Variants in TBC1D32 observed in about 807,000 individuals in gnomAD.
The protein encoded by TBC1D32 is protein broad-minded.
Under a neutral mutation model 170.3 loss-of-function variants are expected in TBC1D32, and 151 were observed. That is an observed-to-expected ratio of 0.89 (90% confidence interval 0.78 to 1.01). TBC1D32 has a LOEUF of 1.01. TBC1D32 is among the 50% of genes least tolerant of loss of function. The pLI is 0.00. For missense variants in TBC1D32, 1,464 were observed against 1,457.1 expected (o/e 1.00, Z -0.08); for synonymous variants, 498 against 488.0 (o/e 1.02, Z -0.27).
intron 17 of TBC1D32, 26 bp from the exon 18 acceptor site, chr6:121,242,365 GCTTT>G (rs747179772): frequency 6.9e-6 from 11 of 1,604,402 alleles, no homozygotes; most frequent in African/African-American, 1.3e-5. Context: ...GAAAGGTAGA[GCTTT>G]CTTTAAGATA....
chr6:121,209,766 T>C (rs6569179), intron 21 of TBC1D32, among the ~76,000 whole-genome samples: 134,460 of 152,202 alleles, frequency 0.88, 59,849 homozygotes, highest in East Asian at 0.98. Flanking sequence ...TTCAACAAAG[T>C]CAACATGAAA....
At chr6:121,280,593 A>C (rs775015918) in intron 14 of TBC1D32, among the ~76,000 whole-genome samples, 1 of 151,980 alleles carries the variant, frequency 6.6e-6, no homozygotes, top group South Asian at 2.1e-4. Context: ...CTCTAGTCTA[A>C]AGGGGAATTT....
intron 30 of TBC1D32, among the ~76,000 whole-genome samples, chr6:121,092,769 G>A (rs1224815559): frequency 2.6e-5 from 4 of 151,954 alleles, no homozygotes; most frequent in East Asian, 1.9e-4. Flanking sequence ...ATTGGATTAC[G>A]GTCCAACTTA....
At chr6:121,098,104 G>C (rs1021942164) in intron 30 of TBC1D32, among the ~76,000 whole-genome samples, 1 of 151,690 alleles carries the variant, frequency 6.6e-6, no homozygotes, top group African/African-American at 2.4e-5. Flanking sequence ...TAGATGATGG[G>C]TTGATGGGTG....
At chr6:121,152,543 C>T (rs375137550) in intron 24 of TBC1D32, among the ~76,000 whole-genome samples, 1 of 152,100 alleles carries the variant, frequency 6.6e-6, no homozygotes, top group African/African-American at 2.4e-5. Context: ...GAATGTTGGC[C>T]TGTCTTGCTA....
intron 24 of TBC1D32, among the ~76,000 whole-genome samples, chr6:121,133,682 C>A (rs1368842858): frequency 6.6e-6 from 1 of 152,046 alleles, no homozygotes; most frequent in East Asian, 1.9e-4. Context: ...CTCTCTCATA[C>A]AAACACATGA....
intron 10 of TBC1D32, among the ~76,000 whole-genome samples, chr6:121,297,218 T>A (rs777817324): frequency 1.3e-5 from 2 of 152,070 alleles, no homozygotes; most frequent in Admixed American, 6.6e-5. Flanking sequence ...GTATAATGAA[T>A]GATTTTTCTA....
chr6:121,170,263 T>A (rs1331907742), intron 22 of TBC1D32: 1 of 853,458 alleles, frequency 1.2e-6, no homozygotes, highest in East Asian at 2.8e-5. Context: ...ATTTACACTT[T>A]AGCTGCTTTG....
At chr6:121,085,256 TAC>T (rs1303824995) in intron 31 of TBC1D32, among the ~76,000 whole-genome samples, 3 of 143,474 alleles carry the variant, frequency 2.1e-5, no homozygotes, top group South Asian at 4.4e-4. Flanking sequence ...CGTATATATA[TAC>T]ACATATATAC....
intron 22 of TBC1D32, among the ~76,000 whole-genome samples, chr6:121,172,048 A>G (rs1367050855): frequency 6.6e-6 from 1 of 152,052 alleles, no homozygotes; most frequent in East Asian, 1.9e-4. Flanking sequence ...AAATAGGACA[A>G]ATGGTGCTGG....
In TBC1D32 at chr6:121,100,547, A is replaced by C. The variant is rs1018925639; in HGVS notation, c.3465+5476T>G. ...TGTTCTTTGAAACCAATGAGAACAAAGACACAACATACCAGAATCTCTGGG... is the reference window on the plus strand; with the variant it reads ...TGTTCTTTGAAACCAATGAGAACAACGACACAACATACCAGAATCTCTGGG... On this transcript the variant is annotated intron_variant, in intron 30 of 31. Coordinates refer to ENST00000398212, the MANE Select transcript of TBC1D32 (RefSeq NM_152730.6). Among the ~76,000 whole-genome samples the C allele has an allele frequency of 3.9e-5, 6 of 152,090 alleles. No homozygotes were observed. In the South Asian group the frequency reaches 1.2e-3, roughly 31 times the overall value.
intron 22 of TBC1D32, among the ~76,000 whole-genome samples, chr6:121,169,213 G>C (rs1212503160): frequency 6.6e-6 from 1 of 151,988 alleles, no homozygotes; most frequent in East Asian, 1.9e-4. Flanking sequence ...ACTGGTACAA[G>C]AACAGACACA....
intron 22 of TBC1D32, among the ~76,000 whole-genome samples, chr6:121,187,093 GA>G (rs910959853): frequency 1.1e-4 from 16 of 151,634 alleles, no homozygotes; most frequent in Non-Finnish European, 1.6e-4. Context: ...ACTAATTCTA[GA>G]AAAAAAATTG....
At chr6:121,206,202 T>G (rs1037290697) in intron 21 of TBC1D32, among the ~76,000 whole-genome samples, 1 of 147,932 alleles carries the variant, frequency 6.8e-6, no homozygotes, top group Non-Finnish European at 1.5e-5. Context: ...AAAGCAAGAC[T>G]CTGTCTCAGA....
In TBC1D32 at chr6:121,232,441, T is replaced by C. The variant is rs539721436; in HGVS notation, c.2364+6629A>G. ...GCTCCATATACATTTTAGGATTGTT[T>C]GTTCTAGTTGTGTGAAGTATTATGG... On this transcript the variant is annotated intron_variant, in intron 20 of 31. Transcript: ENST00000398212. Among the ~76,000 whole-genome samples the C allele has an allele frequency of 3.3e-5, 5 of 152,286 alleles. No homozygotes were observed. The South Asian group carries it at 1.0e-3, about 32-fold the overall frequency.
intron 22 of TBC1D32, among the ~76,000 whole-genome samples, chr6:121,169,308 A>G (rs897615063): frequency 6.6e-6 from 1 of 152,200 alleles, no homozygotes; most frequent in Non-Finnish European, 1.5e-5. Flanking sequence ...GACAAAAATA[A>G]GCAATGAGGA....
At chr6:121,105,570 T>C (rs1007955417) in intron 30 of TBC1D32, among the ~76,000 whole-genome samples, 2 of 151,980 alleles carry the variant, frequency 1.3e-5, no homozygotes, top group Non-Finnish European at 2.9e-5. Flanking sequence ...GGTTGTGCAC[T>C]GTGTAACTTG....
At chr6:121,298,751 C>A (rs1042265884) in intron 10 of TBC1D32, among the ~76,000 whole-genome samples, 5 of 152,022 alleles carry the variant, frequency 3.3e-5, no homozygotes, top group Admixed American at 3.3e-4. Context: ...CTGCACTCAA[C>A]CAAAAATCAC....
At chr6:121,122,030 C>G (rs144102452) in intron 26 of TBC1D32, among the ~76,000 whole-genome samples, 10 of 151,946 alleles carry the variant, frequency 6.6e-5, no homozygotes, top group African/African-American at 2.4e-4. Flanking sequence ...AAAGCCAGCA[C>G]CTAATCTCCC....
Sources: gnomAD v4.1 joint callset for allele counts (sites outside exome capture counted in the v4.1 genomes callset) on GRCh38, gnomAD v4.1.1 for gene constraint, MANE v1.5 for transcripts, NCBI Gene and HGNC (gene_info 2026-07-23, HGNC 2026-07-21) for gene names.